The following RPS25 variants were observed in gnomAD, a reference collection of about 807,000 sequenced individuals.
RPS25 encodes ribosomal protein S25, also known as small ribosomal subunit protein eS25.
In RPS25, 1 loss-of-function variant was observed where a neutral mutation model predicts 14.4. That is an observed-to-expected ratio of 0.07 (90% CI 0.02 to 0.33). The LOEUF (loss-of-function observed/expected upper bound fraction) is 0.33. Ranked by LOEUF, RPS25 falls within the 10% of genes least tolerant of loss-of-function variation. The pLI is 1.00. For synonymous variants in RPS25, 63 were observed against 53.8 expected (o/e 1.17, Z -0.75); for missense variants, 65 against 144.6 (o/e 0.45, Z 2.82).
rs542567751 is a variant in RPS25 at position 119,016,400 on chromosome 11, T to TTA, written c.284-463_284-462dup. ...CAACATGGCAAAACCGCATCTCTATTTAAAGAAAAGGAAAACAAAAAGACA... is the reference window on the plus strand; with the variant it reads ...CAACATGGCAAAACCGCATCTCTATTTATAAAGAAAAGGAAAACAAAAAGACA... On this transcript the variant is annotated intron_variant, in intron 3 of 4. Coordinates refer to ENST00000527673, the MANE Select transcript of RPS25 (RefSeq NM_001028.3). Among the ~76,000 whole-genome samples the TTA allele has an allele frequency of 2.4e-4, 37 of 152,138 alleles. No homozygotes were observed. In the East Asian group the frequency reaches 6.2e-3, roughly 25 times the overall value.
chr11:119,017,632 G>A, intron 2 of RPS25, 87 bp from the exon 3 acceptor site: 2 of 1,160,786 alleles, frequency 1.7e-6, no homozygotes, highest in South Asian at 1.4e-5. Flanking sequence ...AGAGAAATCT[G>A]TTCCACCGTT....
Position 119,018,038 on chromosome 11 carries a change from TGTC to T in RPS25, c.16_18del (p.Asp6del). ...GACTTTCCAGCGTCCTTCTTCTTCT[TGTC>T]GTCCTTAGGCGGCTGTAGGAGGGCA... On this transcript the variant is annotated inframe_deletion, in exon 2 of 5. Coordinates refer to ENST00000527673, the MANE Select transcript of RPS25 (RefSeq NM_001028.3). 1.9e-6 allele frequency: 3 copies of T among 1,612,336 alleles called. No homozygotes were observed. Among genetic ancestry groups the T allele is most frequent in the Non-Finnish European group, 2.5e-6 (3 of 1,180,020 alleles).
In RPS25 at chr11:119,018,020, C is replaced by T; in HGVS notation, c.37G>A (p.Gly13Arg). 1 of 1,612,296 alleles carries T rather than the reference C, an allele frequency of 6.2e-7. No individual in the cohort carries two copies. Among genetic ancestry groups the T allele is most frequent in the Non-Finnish European group, 8.5e-7 (1 of 1,180,010 alleles). Residue 13 changes from glycine to arginine, a missense_variant, in exon 2 of 5, where the codon GGA becomes AGA. Transcript: ENST00000527673. ...TCTTTGTCTTTCTTGGCCGACTTTC[C>T]AGCGTCCTTCTTCTTCTTGTCGTCC... ...PKDDKKKKDA[G>R]KSAKKDKDPV...
chr11:119,016,641 C>T (rs919992733), intron 3 of RPS25, among the ~76,000 whole-genome samples: 6 of 151,458 alleles, frequency 4.0e-5, no homozygotes, highest in East Asian at 2.0e-4. Context: ...TCCACCCCCC[C>T]CCCCTTTCTG....
At position 119,015,773 on chromosome 11, in the gene RPS25, TAAAAG is replaced by T; in HGVS notation, c.*5-20_*5-16del. On this transcript the variant is annotated splice_polypyrimidine_tract_variant and intron_variant, in intron 4 of 4. Coordinates refer to ENST00000527673, the MANE Select transcript of RPS25 (RefSeq NM_001028.3). ...GCTGGTTGGACCTGTAAAAAAAAAT[TAAAAG>T]AATCAGAACCATAAAGCTTTGTATC... 7.5e-7 allele frequency: 1 copy of T among 1,326,252 alleles called. No homozygotes were observed. Among genetic ancestry groups the T allele is most frequent in the Non-Finnish European group, 1.1e-6 (1 of 935,378 alleles). 82.2% of individuals were successfully genotyped at this position (1,326,252 alleles called of 1,614,324 possible).
Position 119,015,752 on chromosome 11 carries a change from G to C in RPS25, c.*11C>G. 2 of 1,248,630 alleles carry C rather than the reference G, an allele frequency of 1.6e-6. No individual in the cohort carries two copies. Among genetic ancestry groups the C allele is most frequent in the South Asian group, 2.5e-5 (2 of 79,234 alleles). The allele number at this position is 1,248,630 out of a possible 1,614,324, so 77.3% of individuals were successfully genotyped here. On this transcript the variant is annotated 3_prime_UTR_variant, in exon 5 of 5. Coordinates refer to ENST00000527673, the MANE Select transcript of RPS25 (RefSeq NM_001028.3). ...TTTTATTTTTCCAAATGTACAGCTG[G>C]TTGGACCTGTAAAAAAAAATTAAAA...
Position 119,015,837 on chromosome 11 carries a change from T to TC in RPS25, c.*4+3dup. 4 of 1,568,982 alleles carry TC rather than the reference T, an allele frequency of 2.5e-6. No individual in the cohort carries two copies. Among genetic ancestry groups the TC allele is most frequent in the Non-Finnish European group, 3.5e-6 (4 of 1,138,996 alleles). On this transcript the variant is annotated splice_donor_region_variant and intron_variant, in intron 4 of 4. Coordinates refer to ENST00000527673, the MANE Select transcript of RPS25 (RefSeq NM_001028.3). Reference sequence around the variant, plus strand: ...ACACCATGAGCCCACACATTCCTACTCACCTATTCATGCATCTTCACCAGC... The same window carrying TC: ...ACACCATGAGCCCACACATTCCTACTCCACCTATTCATGCATCTTCACCAGC...
At chr11:119,018,123 AG>A (rs1943211414) in intron 1 of RPS25, 70 bp from the exon 2 acceptor site, 2 of 1,561,008 alleles carry the variant, frequency 1.3e-6, no homozygotes, top group African/African-American at 2.7e-5. Flanking sequence ...CTGCGCCCTC[AG>A]CCCCCGCAAA....
Position 119,015,775 on chromosome 11 carries a change from A to G in RPS25, c.*5-17T>C, listed in dbSNP as rs144776371. 28 of 1,330,400 alleles carry G rather than the reference A, an allele frequency of 2.1e-5. No homozygotes were observed. Among genetic ancestry groups the G allele is most frequent in the Non-Finnish European group, 2.7e-5 (25 of 939,088 alleles). 82.4% of individuals were successfully genotyped at this position (1,330,400 alleles called of 1,614,324 possible). A position where few individuals can be genotyped will look rare whatever the true frequency, so the allele number is the denominator to read the frequency against. ...TGGTTGGACCTGTAAAAAAAAATTA[A>G]AAGAATCAGAACCATAAAGCTTTGT... On this transcript the variant is annotated splice_polypyrimidine_tract_variant and intron_variant, in intron 4 of 4. Coordinates refer to ENST00000527673, the MANE Select transcript of RPS25 (RefSeq NM_001028.3).
chr11:119,018,334 G>A lies in RPS25; in HGVS notation c.-50C>T, dbSNP rs75423227. 1.6e-4 allele frequency: 253 copies of A among 1,613,482 alleles called. No homozygotes were observed. The highest frequency in any genetic ancestry group is 2.0e-4 in the Non-Finnish European group (240 of 1,179,786). On this transcript the variant is annotated 5_prime_UTR_variant, in exon 1 of 5. Transcript: ENST00000527673. ...GACACCGCAGCCTCGTCAAGATGTCGGACAAAAAGGAAGCGCTGCTCAGAA... is the reference window on the plus strand; with the variant it reads ...GACACCGCAGCCTCGTCAAGATGTCAGACAAAAAGGAAGCGCTGCTCAGAA...
chr11:119,018,313 C>G lies in RPS25; in HGVS notation c.-29G>C, dbSNP rs889350925. On this transcript the variant is annotated 5_prime_UTR_variant, in exon 1 of 5. Transcript: ENST00000527673. ...GAAGCTCGGAGAATAGCAGCAGACACCGCAGCCTCGTCAAGATGTCGGACA... is the reference window on the plus strand; with the variant it reads ...GAAGCTCGGAGAATAGCAGCAGACAGCGCAGCCTCGTCAAGATGTCGGACA... The G allele has an allele frequency of 4.3e-6, 7 of 1,614,022 alleles. No individual in the cohort carries two copies. The Admixed American group carries it at 1.0e-4, about 23-fold the overall frequency.
intron 2 of RPS25, 44 bp downstream of exon 2, chr11:119,017,914 G>C (rs376673750): frequency 1.3e-4 from 186 of 1,475,026 alleles, no homozygotes; most frequent in Non-Finnish European, 1.7e-4. Flanking sequence ...AGAGGATTAC[G>C]AGAGAGTTAC....
chr11:119,016,040 T>G (rs907293687), intron 3 of RPS25, 101 bp from the exon 4 acceptor site: 3 of 707,576 alleles, frequency 4.2e-6, no homozygotes, highest in African/African-American at 3.5e-5. Context: ...ATAATCCCAC[T>G]GCTTTGGGAG....
At chr11:119,016,163 T>C (rs1943150683) in intron 3 of RPS25, among the ~76,000 whole-genome samples, 1 of 152,090 alleles carries the variant, frequency 6.6e-6, no homozygotes, top group Non-Finnish European at 1.5e-5. Context: ...TGGCACATGC[T>C]TGTAATTCCA....
At chr11:119,017,774 C>A (rs1315626837) in intron 2 of RPS25, 184 bp downstream of exon 2, 5 of 662,516 alleles carry the variant, frequency 7.5e-6, no homozygotes, top group Admixed American at 2.8e-5. Context: ...GCAGACACTT[C>A]GCACAACAGA....
chr11:119,015,723 A>C lies in RPS25; in HGVS notation c.*40T>G. ...GACATACTCATTCATTTGATTTAAT[A>C]AAGTTTTATTTTTCCAAATGTACAG... On this transcript the variant is annotated 3_prime_UTR_variant, in exon 5 of 5. Transcript: ENST00000527673. The C allele has an allele frequency of 7.7e-7, 1 of 1,296,146 alleles. No homozygotes were observed. 80.3% of individuals were successfully genotyped at this position (1,296,146 alleles called of 1,614,324 possible). A position where few individuals can be genotyped will look rare whatever the true frequency, so the allele number is the denominator to read the frequency against.
At chr11:119,017,644 T>G in intron 2 of RPS25, 99 bp from the exon 3 acceptor site, 1 of 1,128,206 alleles carries the variant, frequency 8.9e-7, no homozygotes, top group Non-Finnish European at 1.3e-6. Flanking sequence ...TCCACCGTTA[T>G]CAAGGATAAA....
intron 1 of RPS25, 29 bp from the exon 2 acceptor site, chr11:119,018,082 G>A (rs1220632259): frequency 1.2e-6 from 2 of 1,604,512 alleles, no homozygotes; most frequent in Non-Finnish European, 8.5e-7. Flanking sequence ...AATGCAACCA[G>A]GTCCTCAAAT....
At chr11:119,015,968 G>A (rs1592088336) in intron 3 of RPS25, 29 bp from the exon 4 acceptor site, 1 of 1,329,296 alleles carries the variant, frequency 7.5e-7, no homozygotes, top group Non-Finnish European at 1.1e-6. Context: ...ACGATGAGAT[G>A]CTTAACAGAT....
Sources: gnomAD v4.1 joint callset for allele counts (sites outside exome capture counted in the v4.1 genomes callset) on GRCh38, gnomAD v4.1.1 for gene constraint, MANE v1.5 for transcripts, NCBI Gene and HGNC (gene_info 2026-07-23, HGNC 2026-07-21) for gene names.